The following LAMB3 variants were observed in gnomAD, a reference collection of about 807,000 sequenced individuals.
The protein encoded by LAMB3 is laminin subunit beta 3.
In LAMB3, 104 loss-of-function variants were observed where a neutral mutation model predicts 140.3. That is an observed-to-expected ratio of 0.74 (90% CI 0.63 to 0.87). The LOEUF (loss-of-function observed/expected upper bound fraction) is 0.87, where lower values mean the gene tolerates loss of function less well. Among genes scored for constraint, LAMB3 ranks in the 40% least tolerant of loss-of-function variants. LAMB3 has a pLI of 0.00. For missense variants in LAMB3, 1,531 were observed against 1,575.2 expected (o/e 0.97, Z 0.47); for synonymous variants, 592 against 602.9 (o/e 0.98, Z 0.26).
chr1:209,618,790 C>G (rs1355731255), intron 18 of LAMB3, 131 bp from the exon 19 acceptor site: 1 of 836,954 alleles, frequency 1.2e-6, no homozygotes, highest in African/African-American at 1.7e-5. Context: ...CAAGGAGCTG[C>G]TGCCCCCTTT....
rs751750658 is a variant in LAMB3 at position 209,617,486 on chromosome 1, C to T, written c.3152G>A (p.Arg1051Gln). 94 of 1,613,840 alleles carry T rather than the reference C, an allele frequency of 5.8e-5. No homozygotes were observed. The highest frequency in any genetic ancestry group is 5.1e-4 in the South Asian group (46 of 91,082). Residue 1051 changes from arginine (R) to glutamine (Q), a missense_variant, in exon 21 of 23, where the codon CGG becomes CAG. Coordinates refer to ENST00000356082, the MANE Select transcript of LAMB3 (RefSeq NM_000228.3). ...CTGGACTGCCTCTGCCCCCTGCTGC[C>T]GGGCTTGGTGGCGGAGCTCCTCCAT... ...TRMEELRHQA[R>Q]QQGAEAVQAQ... is the part of the protein sequence containing the mutation.
rs771727419 is a variant in LAMB3 at position 209,626,890 on chromosome 1, C to G, written c.1574G>C (p.Gly525Ala). 6 of 1,613,734 alleles carry G rather than the reference C, an allele frequency of 3.7e-6. No individual in the cohort carries two copies. Among genetic ancestry groups the G allele is most frequent in the Non-Finnish European group, 5.1e-6 (6 of 1,179,934 alleles). The part of the protein sequence containing the change: ...AIRQCPDRTY[G>A]DVATGCRACD... Reference sequence around the variant, plus strand: ...ACCTCGGCATCCTGTGGCCACGTCTCCATAGGTCCGGTCTGGACACTGGCG... The same window carrying G: ...ACCTCGGCATCCTGTGGCCACGTCTGCATAGGTCCGGTCTGGACACTGGCG... The change falls in exon 13 of 23, where the codon GGA becomes GCA. Residue 525 changes from glycine to alanine, a missense_variant. Coordinates refer to ENST00000356082, the MANE Select transcript of LAMB3 (RefSeq NM_000228.3).
At position 209,616,460 on chromosome 1, in the gene LAMB3, C is replaced by T; in HGVS notation, c.3382+11G>A. 6.2e-7 allele frequency: 1 copy of T among 1,613,976 alleles called. No individual in the cohort carries two copies. Among genetic ancestry groups the T allele is most frequent in the Non-Finnish European group, 8.5e-7 (1 of 1,179,914 alleles). ...TGCCCAATAGTCCATGCCCCTAAAC[C>T]ATTCCCTCACCTTTCATCCTGTCCA... is the stretch of plus-strand genomic sequence containing the variant. On this transcript the variant is annotated intron_variant, in intron 22 of 22. Coordinates refer to ENST00000356082, the MANE Select transcript of LAMB3 (RefSeq NM_000228.3).
intron 5 of LAMB3, among the ~76,000 whole-genome samples, chr1:209,634,921 CTCTCTCT>C (rs1666841849): frequency 1.7e-4 from 2 of 11,444 alleles, no homozygotes; most frequent in Non-Finnish European, 3.6e-4. Flanking sequence ...TTTTTATTCT[CTCTCTCT>C]CTCTCTCTCT....
chr1:209,632,540 G>C (rs774233010), intron 8 of LAMB3, 43 bp downstream of exon 8: 1 of 1,538,460 alleles, frequency 6.5e-7, no homozygotes, highest in East Asian at 2.3e-5. Flanking sequence ...AGTCTGCCCT[G>C]GTCCTGCCCC....
At chr1:209,648,567 G>A (rs2076537403) in intron 3 of LAMB3, among the ~76,000 whole-genome samples, 1 of 152,214 alleles carries the variant, frequency 6.6e-6, no homozygotes, top group South Asian at 2.1e-4. Flanking sequence ...GGCTACTTAG[G>A]AGCAGAGAAG....
At chr1:209,626,421 G>A (rs1002012969) in intron 13 of LAMB3, among the ~76,000 whole-genome samples, 1 of 152,198 alleles carries the variant, frequency 6.6e-6, no homozygotes, top group African/African-American at 2.4e-5. Flanking sequence ...CAGTGAGGCA[G>A]GGGCAGAGCT....
intron 7 of LAMB3, 105 bp downstream of exon 7, chr1:209,632,965 C>T (rs775316425): frequency 1.2e-5 from 13 of 1,095,510 alleles, no homozygotes; most frequent in East Asian, 2.4e-5. Flanking sequence ...TCCCCAACCA[C>T]GTTGACAAAA....
intron 11 of LAMB3, 131 bp downstream of exon 11, chr1:209,627,904 C>G: frequency 8.0e-7 from 1 of 1,243,840 alleles, no homozygotes; most frequent in Non-Finnish European, 1.1e-6. Context: ...GGCAAAGGCC[C>G]GGGCATACCC....
At chr1:209,618,350 C>T (rs1558147753) in intron 19 of LAMB3, 102 bp downstream of exon 19, 1 of 1,189,572 alleles carries the variant, frequency 8.4e-7, no homozygotes, top group Non-Finnish European at 1.2e-6. Context: ...AGCACCCCCT[C>T]CTGTCTCCCA....
intron 3 of LAMB3, among the ~76,000 whole-genome samples, chr1:209,644,501 T>C (rs1323788687): frequency 6.6e-6 from 1 of 152,130 alleles, no homozygotes; most frequent in Non-Finnish European, 1.5e-5. Flanking sequence ...ATTAGGAAAG[T>C]GATAAGTTAA....
intron 13 of LAMB3, among the ~76,000 whole-genome samples, chr1:209,626,501 A>T (rs1020517451): frequency 6.6e-6 from 1 of 152,172 alleles, no homozygotes; most frequent in African/African-American, 2.4e-5. Flanking sequence ...ACTCCGTGGG[A>T]AACGACACCC....
chr1:209,624,108 T>C lies in LAMB3; in HGVS notation c.1977-108A>G, dbSNP rs897652510. 16 of 948,494 alleles carry C rather than the reference T, an allele frequency of 1.7e-5. 1 individual carries two copies. In the South Asian group the frequency reaches 2.4e-4, roughly 14 times the overall value. 58.8% of individuals were successfully genotyped at this position (948,494 alleles called of 1,614,324 possible). On this transcript the variant is annotated intron_variant, in intron 14 of 22. Coordinates refer to ENST00000356082, the MANE Select transcript of LAMB3 (RefSeq NM_000228.3). ...ACTGAGTCAGAACAAACAGAGACCT[T>C]GGGCAAAGGCAACAGAACAGAGAAT...
chr1:209,627,658 G>A, intron 11 of LAMB3, 79 bp from the exon 12 acceptor site: 1 of 1,343,756 alleles, frequency 7.4e-7, no homozygotes, highest in Non-Finnish European at 1.0e-6. Context: ...CCAGGGAGGG[G>A]CGCTGCCTGG....
chr1:209,635,187 G>T (rs904084841), intron 5 of LAMB3, among the ~76,000 whole-genome samples: 1 of 152,086 alleles, frequency 6.6e-6, no homozygotes. Flanking sequence ...TTTAAATGTG[G>T]TCTTTATGCT....
At chr1:209,650,843 A>T in intron 2 of LAMB3, 74 bp downstream of exon 2, 1 of 1,452,872 alleles carries the variant, frequency 6.9e-7, no homozygotes. Flanking sequence ...CACTTTGGTA[A>T]ACTCTCCTTC....
intron 10 of LAMB3, 126 bp downstream of exon 10, chr1:209,629,611 C>G (rs1007340465): frequency 4.5e-5 from 40 of 879,928 alleles, no homozygotes; most frequent in Non-Finnish European, 7.3e-5. Context: ...CAAATCCTGA[C>G]TCACAGCCAA....
At position 209,623,868 on chromosome 1, in the gene LAMB3, A is replaced by C; in HGVS notation, c.2109T>G (p.Phe703Leu). 6.2e-7 allele frequency: 1 copy of C among 1,614,104 alleles called. No homozygotes were observed. Among genetic ancestry groups the C allele is most frequent in the East Asian group, 2.2e-5 (1 of 44,864 alleles). ...AAGGATCAGCACTGCTTATTTTTTC[A>C]AACTGCTCCCTCTTCCTCTGATACA... ...LTMYQRKREQ[F>L]EKISSADPSG... The change falls in exon 15 of 23, where the codon TTT becomes TTG. Residue 703 changes from phenylalanine to leucine, a missense_variant. Physicochemically the swap from Phe to Leu is conservative, Grantham distance 22 (BLOSUM62 0). Coordinates refer to ENST00000356082, the MANE Select transcript of LAMB3 (RefSeq NM_000228.3). This position sits in a 1 kb window ranked among gnomAD's most constrained non-coding sequence, Gnocchi z 4.2.
Position 209,629,853 on chromosome 1 carries a change from T to C in LAMB3, c.1016A>G (p.Tyr339Cys), listed in dbSNP as rs747255131. ...CCGGCAATTGTCACACACACCTCCA[T>C]ATGCCCCCTGGCTGGCGGCAAACAC... ...PAVFAASQGA[Y>C]GGVCDNCRDH... Residue 339 changes from tyrosine to cysteine, a missense_variant, in exon 10 of 23, where the codon TAT (tyrosine) becomes TGT (cysteine). By Grantham distance (194) the Tyr-to-Cys change is radical. Transcript: ENST00000356082. The C allele has an allele frequency of 3.7e-6, 6 of 1,614,180 alleles. No individual in the cohort carries two copies. The East Asian group carries it at 1.3e-4, about 36-fold the overall frequency.
Sources: gnomAD v4.1 joint callset for allele counts (sites outside exome capture counted in the v4.1 genomes callset) on GRCh38, gnomAD v4.1.1 for gene constraint, Gnocchi (gnomAD v3.1) non-coding constraint, MANE v1.5 for transcripts, NCBI Gene and HGNC (gene_info 2026-07-23, HGNC 2026-07-21) for gene names.